The following MME variants were observed in gnomAD, a reference collection of about 807,000 sequenced individuals.
MME encodes membrane metalloendopeptidase, also known as neprilysin.
Under a neutral mutation model 113.2 loss-of-function variants are expected in MME, and 98 were observed. That is an observed-to-expected ratio of 0.87 (90% confidence interval 0.74 to 1.02). The LOEUF (loss-of-function observed/expected upper bound fraction) is 1.02. Among genes scored for constraint, MME ranks in the 50% least tolerant of loss-of-function variants. The probability of loss-of-function intolerance (pLI) is 0.00; values close to 1 mark genes in which losing one functional copy is unlikely to be tolerated. For missense variants in MME, 836 were observed against 896.0 expected (o/e 0.93, Z 0.86); for synonymous variants, 292 against 300.6 (o/e 0.97, Z 0.30).
At chr3:155,106,227 A>G (rs987757183) in intron 3 of MME, among the ~76,000 whole-genome samples, 3 of 152,150 alleles carry the variant, frequency 2.0e-5, no homozygotes, top group Non-Finnish European at 4.4e-5. Flanking sequence ...GTTTCATGGT[A>G]CTCACCAATT....
At chr3:155,070,593 A>G (rs555505981) in intron 1 of MME, among the ~76,000 whole-genome samples, 2 of 152,346 alleles carry the variant, frequency 1.3e-5, no homozygotes, top group South Asian at 4.1e-4. Context: ...GGTATAAAGC[A>G]TAAATAAATA....
intron 1 of MME, among the ~76,000 whole-genome samples, chr3:155,071,385 T>C (rs1337503740): frequency 1.3e-5 from 2 of 152,222 alleles, no homozygotes; most frequent in Non-Finnish European, 2.9e-5. Flanking sequence ...TTCTATGTTT[T>C]GAAATTTAAT....
At chr3:155,027,182 A>G (rs1192119597) in intron 1 of MME, among the ~76,000 whole-genome samples, 1 of 151,936 alleles carries the variant, frequency 6.6e-6, no homozygotes, top group African/African-American at 2.4e-5. Flanking sequence ...TCTTCCTTGG[A>G]CTCATTTCAG....
intron 16 of MME, among the ~76,000 whole-genome samples, chr3:155,153,208 G>A (rs1025114443): frequency 1.3e-5 from 2 of 151,956 alleles, no homozygotes; most frequent in African/African-American, 4.8e-5. Context: ...TGTAGTTTTA[G>A]TAGAGACGGG....
intron 16 of MME, among the ~76,000 whole-genome samples, chr3:155,152,915 A>G (rs550021754): frequency 1.3e-5 from 2 of 152,254 alleles, no homozygotes; most frequent in East Asian, 3.9e-4. Flanking sequence ...ATCATCTTTA[A>G]CAAATTCAAG....
intron 11 of MME, 48 bp downstream of exon 11, chr3:155,142,175 A>C: frequency 1.2e-6 from 2 of 1,612,952 alleles, no homozygotes; most frequent in Middle Eastern, 1.7e-4. Flanking sequence ...ATTTCATATC[A>C]CTCTTCAGAA....
At chr3:155,113,873 G>A (rs1259609382) in intron 3 of MME, among the ~76,000 whole-genome samples, 1 of 152,130 alleles carries the variant, frequency 6.6e-6, no homozygotes. Flanking sequence ...GAGATGACTG[G>A]TTTGGTAACA....
rs1202373907 is a variant in MME, at chr3:155,168,816, CT to C, written c.1980+22del. ...ATACAGAGTAAGTAAAAAAGATTTT[CT>C]TTCCATTTTAGTGATTTAGAGTGTT... On this transcript the variant is annotated intron_variant, in intron 20 of 22. Coordinates refer to ENST00000360490, the MANE Select transcript of MME (RefSeq NM_007289.4). 6.3e-7 allele frequency: 1 copy of C among 1,597,902 alleles called. No homozygotes were observed. Among genetic ancestry groups the C allele is most frequent in the Non-Finnish European group, 8.6e-7 (1 of 1,166,196 alleles).
chr3:155,182,391 T>C lies in MME; in HGVS notation c.*1932T>C, dbSNP rs1022487150. ...TATGAATGTACTGCATGTTACCATC[T>C]TACTTGAGCCTTTAATGGACTTATT... On this transcript the variant is annotated 3_prime_UTR_variant, in exon 23 of 23. Transcript: ENST00000360490. 1.3e-5 allele frequency: 2 copies of C among 152,208 alleles called. No homozygotes were observed. Among genetic ancestry groups the C allele is most frequent in the Non-Finnish European group, 2.9e-5 (2 of 68,028 alleles). 9.4% of individuals were successfully genotyped at this position (152,208 alleles called of 1,614,324 possible).
At chr3:155,108,366 C>T (rs558440855) in intron 3 of MME, among the ~76,000 whole-genome samples, 4 of 152,090 alleles carry the variant, frequency 2.6e-5, no homozygotes, top group East Asian at 3.9e-4. Context: ...GAGGCCGAGG[C>T]GGGTGGATTA....
In MME at chr3:155,116,641, T is replaced by C. The variant is rs1456925017; in HGVS notation, c.440-23T>C. On this transcript the variant is annotated intron_variant, in intron 5 of 22. Coordinates refer to ENST00000360490, the MANE Select transcript of MME (RefSeq NM_007289.4). ...AACTATGCCTAGATTTCTAATTGAA[T>C]TTATGTTTGTTGTTTCCAAAAGCTG... 3.1e-6 allele frequency: 5 copies of C among 1,596,828 alleles called. No individual in the cohort carries two copies. The South Asian group carries it at 4.5e-5, about 14-fold the overall frequency.
At chr3:155,135,815 T>C (rs971191680) in intron 8 of MME, among the ~76,000 whole-genome samples, 24 of 152,192 alleles carry the variant, frequency 1.6e-4, no homozygotes, top group African/African-American at 1.9e-4. Flanking sequence ...CTTTCAGCAA[T>C]GTTTTGTAGT....
intron 1 of MME, among the ~76,000 whole-genome samples, chr3:155,074,094 A>G (rs1714668043): frequency 6.6e-6 from 1 of 151,826 alleles, no homozygotes. Context: ...AGGCCTTCTA[A>G]CACAATACTT....
upstream of MME, among the ~76,000 whole-genome samples, chr3:155,078,599 A>C (rs1714853411): frequency 6.6e-6 from 1 of 151,594 alleles, no homozygotes; most frequent in Non-Finnish European, 1.5e-5. Context: ...AAAACAGATA[A>C]TTGCAAACCC....
intron 1 of MME, among the ~76,000 whole-genome samples, chr3:155,032,613 G>A (rs537137160): frequency 1.2e-4 from 19 of 152,270 alleles, no homozygotes; most frequent in African/African-American, 4.6e-4. Flanking sequence ...ACTGGCTCTG[G>A]CAAGGTCAGA....
At chr3:155,052,561 CTTTT>C (rs1713797294) in intron 1 of MME, among the ~76,000 whole-genome samples, 6 of 152,360 alleles carry the variant, frequency 3.9e-5, no homozygotes, top group Admixed American at 3.9e-4. Context: ...ATCTTGGCCC[CTTTT>C]AGCCACAGCT....
intron 8 of MME, among the ~76,000 whole-genome samples, chr3:155,125,231 C>A (rs1719527276): frequency 6.8e-6 from 1 of 147,106 alleles, no homozygotes; most frequent in African/African-American, 2.5e-5. Flanking sequence ...AACTCCCTGA[C>A]CCCTTGCGCT....
At chr3:155,115,718 G>A (rs1322049680) in intron 4 of MME, among the ~76,000 whole-genome samples, 2 of 152,134 alleles carry the variant, frequency 1.3e-5, no homozygotes, top group African/African-American at 4.8e-5. Context: ...GAGCCACTAT[G>A]CCCAGCCAAG....
At chr3:155,087,342 C>T (rs909248734) in intron 3 of MME, among the ~76,000 whole-genome samples, 2 of 148,726 alleles carry the variant, frequency 1.3e-5, no homozygotes, top group African/African-American at 2.5e-5. Flanking sequence ...ATGTGGGGAG[C>T]GTGAGGGAGA....
Sources: allele counts gnomAD v4.1 joint callset (sites outside exome capture counted in the v4.1 genomes callset), GRCh38; gene constraint gnomAD v4.1.1; transcripts MANE v1.5; gene names NCBI Gene and HGNC (gene_info 2026-07-23, HGNC 2026-07-21).